The following PDE4D variants were observed in gnomAD, a reference collection of about 807,000 sequenced individuals.
The protein encoded by PDE4D is phosphodiesterase 4D.
In PDE4D, 24 loss-of-function variants were observed where a neutral mutation model predicts 87.4. That is an observed-to-expected ratio of 0.27 (90% CI 0.20 to 0.39). The LOEUF is 0.39. Among genes scored for constraint, PDE4D ranks in the 10% least tolerant of loss-of-function variants. The pLI, the probability that PDE4D is intolerant of heterozygous loss-of-function variation, is 1.00. For missense variants in PDE4D, 714 were observed against 1,041.0 expected, an observed-to-expected ratio of 0.69 and a Z score of 4.32; for synonymous variants, 384 against 383.2, an observed-to-expected ratio of 1.00 and a Z score of -0.02.
At position 60,421,899 on chromosome 5, in the gene PDE4D, A is replaced by C. The variant is rs192836381; in HGVS notation, c.-90+66043T>G. Among the ~76,000 whole-genome samples the C allele has an allele frequency of 3.4e-3, 517 of 152,374 alleles. 3 individuals are homozygous for C. Among genetic ancestry groups the C allele is most frequent in the Non-Finnish European group, 5.6e-3 (382 of 68,038 alleles). ...GGCACGAGAACTTCGTGATGCATGC[A>C]CAAGCTTCAATAGCCTGTTAGATCA... is the stretch of plus-strand genomic sequence containing the variant. On this transcript the variant is annotated intron_variant, in intron 1 of 16. Transcript: ENST00000502484.
chr5:59,117,761 T>C (rs1043689287), intron 5 of PDE4D, among the ~76,000 whole-genome samples: 5 of 151,530 alleles, frequency 3.3e-5, no homozygotes, highest in African/African-American at 1.2e-4. Flanking sequence ...ATGGGAGGAG[T>C]ATTTGCACCA....
chr5:60,332,707 A>G (rs1426410903), intron 1 of PDE4D, among the ~76,000 whole-genome samples: 2 of 152,216 alleles, frequency 1.3e-5, no homozygotes, highest in Non-Finnish European at 2.9e-5. Context: ...AGAATTATTA[A>G]TCACTCAATT....
intron 1 of PDE4D, among the ~76,000 whole-genome samples, chr5:59,563,563 T>C (rs998421497): frequency 2.0e-5 from 3 of 152,236 alleles, no homozygotes; most frequent in African/African-American, 4.8e-5. Flanking sequence ...AAGTGCTTTA[T>C]GGCCATTAAT....
intron 1 of PDE4D, among the ~76,000 whole-genome samples, chr5:59,852,410 C>G (rs1324187524): frequency 6.6e-6 from 1 of 152,092 alleles, no homozygotes; most frequent in East Asian, 1.9e-4. Flanking sequence ...CTTTGTGAAA[C>G]AGCCCACAAA....
At chr5:60,026,589 C>G (rs1006058355) in intron 2 of PDE4D, among the ~76,000 whole-genome samples, 1 of 152,084 alleles carries the variant, frequency 6.6e-6, no homozygotes, top group Non-Finnish European at 1.5e-5. Flanking sequence ...ATGATAAACT[C>G]GATGAATAAT....
chr5:60,398,447 G>C (rs1379935726), intron 1 of PDE4D, among the ~76,000 whole-genome samples: 1 of 152,158 alleles, frequency 6.6e-6, no homozygotes, highest in African/African-American at 2.4e-5. Context: ...TGAGTGGCTG[G>C]TGTTTCACCA....
rs114299536 is a variant in PDE4D, at chr5:58,978,449, A to C, written c.1553-1104T>G. ...AAGAAAAGAAAAGAAAAAGGTTAAAAGCACAGGTATTTGATCTTTTTTCTA... is the reference window on the plus strand; with the variant it reads ...AAGAAAAGAAAAGAAAAAGGTTAAACGCACAGGTATTTGATCTTTTTTCTA... On this transcript the variant is annotated intron_variant, in intron 11 of 14. Coordinates refer to ENST00000340635, the MANE Select transcript of PDE4D (RefSeq NM_001104631.2). 5.5e-3 allele frequency among the ~76,000 whole-genome samples: 840 copies of C among 152,298 alleles called. 6 individuals carry two copies. The highest frequency in any genetic ancestry group is 0.019 in the African/African-American group (795 of 41,582).
chr5:60,028,777 TC>T (rs1189074554), intron 2 of PDE4D, among the ~76,000 whole-genome samples: 3 of 152,166 alleles, frequency 2.0e-5, no homozygotes, highest in African/African-American at 7.2e-5. Context: ...TATAATCTCT[TC>T]CCAGTATGCC....
chr5:59,565,418 C>G (rs781243478), intron 1 of PDE4D, among the ~76,000 whole-genome samples: 10 of 152,158 alleles, frequency 6.6e-5, no homozygotes, highest in Non-Finnish European at 1.3e-4. Flanking sequence ...ACTTGAGAGG[C>G]TGAAGTGGGA....
At chr5:60,205,485 A>T (rs1445531977) in intron 1 of PDE4D, among the ~76,000 whole-genome samples, 2 of 152,118 alleles carry the variant, frequency 1.3e-5, no homozygotes, top group Non-Finnish European at 2.9e-5. Flanking sequence ...TCCACCTATT[A>T]TCCACTGAAC....
chr5:59,786,534 A>G (rs1561660273), intron 1 of PDE4D, among the ~76,000 whole-genome samples: 1 of 152,226 alleles, frequency 6.6e-6, no homozygotes, highest in Non-Finnish European at 1.5e-5. Context: ...ATGATGAAGC[A>G]CTTGGAATTG....
rs561723957 is a variant in PDE4D, at chr5:59,115,287, C to A, written c.808+65308G>T. On this transcript the variant is annotated intron_variant, in intron 5 of 14. Transcript: ENST00000340635. Reference sequence around the variant, plus strand: ...TATACTCAGTTGTCCAGACAGGATGCGCTCAGTGTTTCCAAAGATGGGTTG... The same window carrying A: ...TATACTCAGTTGTCCAGACAGGATGAGCTCAGTGTTTCCAAAGATGGGTTG... 5.9e-5 allele frequency among the ~76,000 whole-genome samples: 9 copies of A among 152,260 alleles called. 1 individual carries two copies. The South Asian group carries it at 1.7e-3, about 28-fold the overall frequency.
rs78182739 is a variant in PDE4D, at chr5:59,910,245, C to T, written c.272+78243G>A. Among the ~76,000 whole-genome samples the T allele has an allele frequency of 2.2e-3, 336 of 152,218 alleles. 10 individuals carry two copies. In the East Asian group the frequency reaches 0.055, roughly 25 times the overall value. ...ATTGTGAAGTTCCTGAGTGTAAGAACATTTTTTGTATTCAACTATTCTCCT... is the reference window on the plus strand; with the variant it reads ...ATTGTGAAGTTCCTGAGTGTAAGAATATTTTTTGTATTCAACTATTCTCCT... On this transcript the variant is annotated intron_variant, in intron 3 of 16. Coordinates refer to the PDE4D transcript ENST00000502484.
chr5:59,181,515 A>G lies in PDE4D; in HGVS notation c.759-871T>C, dbSNP rs928857089. Among the ~76,000 whole-genome samples the G allele has an allele frequency of 2.1e-5, 3 of 141,564 alleles. No homozygotes were observed. The Admixed American group carries it at 2.2e-4, about 10-fold the overall frequency. The allele number at this position is 141,564 out of a possible 152,430, so 92.9% of individuals were successfully genotyped here. ...GCTTTTAAAATATAATGATTAAAAA[A>G]CACTTTTAGATACATTCAAAGATGT... On this transcript the variant is annotated intron_variant, in intron 4 of 14. Transcript: ENST00000340635.
chr5:59,914,868 T>TGG (rs1422730579), intron 3 of PDE4D, among the ~76,000 whole-genome samples: 2 of 32,576 alleles, frequency 6.1e-5, no homozygotes, highest in Non-Finnish European at 1.1e-4. Context: ...CTGATAGGGG[T>TGG]GTGTGTGTGT....
intron 1 of PDE4D, among the ~76,000 whole-genome samples, chr5:59,427,241 C>A (rs1795391086): frequency 7.0e-6 from 1 of 142,356 alleles, no homozygotes; most frequent in African/African-American, 2.6e-5. Flanking sequence ...ATAACAGAAG[C>A]AAAAATCTTG....
At chr5:60,374,125 C>T (rs565182493) in intron 1 of PDE4D, among the ~76,000 whole-genome samples, 1 of 152,236 alleles carries the variant, frequency 6.6e-6, no homozygotes, top group South Asian at 2.1e-4. Context: ...ACAGGTGAGC[C>T]AGGATTGCTG....
intron 5 of PDE4D, among the ~76,000 whole-genome samples, chr5:59,064,384 A>G (rs971266118): frequency 6.6e-6 from 1 of 152,158 alleles, no homozygotes; most frequent in African/African-American, 2.4e-5. Context: ...GGCTACCACC[A>G]GAAAGTCCTA....
At chr5:60,105,272 A>G (rs1421811902) in intron 2 of PDE4D, among the ~76,000 whole-genome samples, 1 of 152,218 alleles carries the variant, frequency 6.6e-6, no homozygotes, top group Non-Finnish European at 1.5e-5. Context: ...GTGATGGAAG[A>G]TGAAATGAAT....
Sources: gnomAD v4.1 joint callset for allele counts (sites outside exome capture counted in the v4.1 genomes callset) on GRCh38, gnomAD v4.1.1 for gene constraint, MANE v1.5 for transcripts, NCBI Gene and HGNC (gene_info 2026-07-23, HGNC 2026-07-21) for gene names.